Variants in ZNF529 observed in about 807,000 individuals in gnomAD.
The protein encoded by ZNF529 is zinc finger protein 529.
Under a neutral mutation model 10.1 loss-of-function variants are expected in ZNF529, and 11 were observed. The ratio of observed to expected loss-of-function variants is 1.09; its 90% CI spans 0.69 to 1.81. The LOEUF is 1.81. Ranked by LOEUF, ZNF529 falls within the 40% of genes most tolerant of loss-of-function variation. ZNF529 has a pLI of 0.00. For missense variants in ZNF529, 624 were observed against 666.8 expected (o/e 0.94, Z 0.71); for synonymous variants, 204 against 215.7 (o/e 0.95, Z 0.47).
intron 4 of ZNF529, 62 bp from the exon 5 acceptor site, chr19:36,548,384 A>G (rs2035134743): frequency 7.1e-7 from 1 of 1,412,628 alleles, no homozygotes; most frequent in South Asian, 1.5e-5. Context: ...TAGAAAGAAG[A>G]GACAATTTAA....
chr19:36,572,310 A>G (rs1449200553), intron 2 of ZNF529, 23 bp downstream of exon 2: 8 of 1,531,242 alleles, frequency 5.2e-6, no homozygotes, highest in Non-Finnish European at 7.0e-6. Flanking sequence ...GGACCAGGTA[A>G]ATGAACAAAA....
At chr19:36,601,211 C>G (rs1004733432) in intron 1 of ZNF529, among the ~76,000 whole-genome samples, 1 of 149,908 alleles carries the variant, frequency 6.7e-6, no homozygotes, top group African/African-American at 2.5e-5. Context: ...CGGAGTCTCG[C>G]TCTGCCTCAG....
intron 2 of ZNF529, among the ~76,000 whole-genome samples, chr19:36,563,622 C>T (rs2035795396): frequency 6.6e-6 from 1 of 152,072 alleles, no homozygotes; most frequent in African/African-American, 2.4e-5. Context: ...AACCACAAAA[C>T]ACTGCTCAAA....
chr19:36,577,494 C>T (rs890273870), upstream of ZNF529: 24 of 141,232 alleles, frequency 1.7e-4, no homozygotes, highest in Non-Finnish European at 3.0e-4. Context: ...ATTGTACTCT[C>T]TTTTTTTTTT....
intron 2 of ZNF529, among the ~76,000 whole-genome samples, chr19:36,557,471 G>A (rs1173092096): frequency 3.9e-5 from 6 of 152,168 alleles, no homozygotes; most frequent in Non-Finnish European, 8.8e-5. Flanking sequence ...GACAGAATGA[G>A]AGCCGAGCTA....
chr19:36,556,377 G>A (rs2035475034), intron 2 of ZNF529, among the ~76,000 whole-genome samples, 180 bp from the exon 3 acceptor site: 1 of 152,148 alleles, frequency 6.6e-6, no homozygotes, highest in Admixed American at 6.5e-5. Flanking sequence ...CTATCTTGGT[G>A]AGAAAGACTC....
intron 2 of ZNF529, among the ~76,000 whole-genome samples, chr19:36,582,949 G>A (rs1389702863): frequency 6.6e-6 from 1 of 152,096 alleles, no homozygotes; most frequent in Non-Finnish European, 1.5e-5. Flanking sequence ...ACAATTTTAT[G>A]CCAATAAATT....
At chr19:36,574,657 A>G (rs1393025385), upstream of ZNF529, among the ~76,000 whole-genome samples, 1 of 152,144 alleles carries the variant, frequency 6.6e-6, no homozygotes, top group Non-Finnish European at 1.5e-5. Context: ...GTGTCACTGT[A>G]ACTGTCAGTT....
At position 36,573,245 on chromosome 19, in the gene ZNF529, AGCCCG is replaced by A. The variant is rs2036212408; in HGVS notation, c.-157_-153del. The A allele has an allele frequency of 3.2e-6, 1 of 310,474 alleles. No individual in the cohort carries two copies. The highest frequency in any genetic ancestry group is 2.5e-5 in the South Asian group (1 of 40,750). The allele number at this position is 310,474 out of a possible 1,614,324, so 19.2% of individuals were successfully genotyped here. On this transcript the variant is annotated 5_prime_UTR_variant, in exon 1 of 5. Coordinates refer to ENST00000591340, the MANE Select transcript of ZNF529 (RefSeq NM_020951.5). ...CCACCTCACCGCGAGCTCCTCCCGC[AGCCCG>A]GCCCGGGTCACCTCGACTCGCCAGG...
chr19:36,549,235 C>T (rs1301004713), intron 4 of ZNF529, among the ~76,000 whole-genome samples: 1 of 152,006 alleles, frequency 6.6e-6, no homozygotes, highest in Non-Finnish European at 1.5e-5. Flanking sequence ...AGTGCCTTAC[C>T]CTCATATATA....
chr19:36,577,262 A>G, upstream of ZNF529: 2 of 420,846 alleles, frequency 4.8e-6, no homozygotes, highest in Non-Finnish European at 9.5e-6. Context: ...GCCCGGCCCT[A>G]CTTTCTATCG....
upstream of ZNF529, among the ~76,000 whole-genome samples, chr19:36,578,291 C>CTTTTTTTTT (rs1159725232): frequency 3.8e-3 from 122 of 31,820 alleles, 45 homozygotes; most frequent in Non-Finnish European, 5.6e-3. Flanking sequence ...GTCTTGATCT[C>CTTTTTTTTT]TTTTTTTTTT....
At position 36,600,158 on chromosome 19, in the gene ZNF529, C is replaced by T. The variant is rs552013435; in HGVS notation, c.-128+4968G>A. Among the ~76,000 whole-genome samples, 9 of 152,242 alleles carry T rather than the reference C, an allele frequency of 5.9e-5. No homozygotes were observed. The East Asian group carries it at 1.5e-3, about 26-fold the overall frequency. ...TGCTGGGATTACAGGCATGAGCCAC[C>T]GTGCCTGACCAAGTCTTGTACATTC... On this transcript the variant is annotated intron_variant, in intron 1 of 4. Coordinates refer to the ZNF529 transcript ENST00000585960.
intron 4 of ZNF529, among the ~76,000 whole-genome samples, chr19:36,551,026 A>G (rs1190940228): frequency 6.6e-6 from 1 of 152,234 alleles, no homozygotes; most frequent in Non-Finnish European, 1.5e-5. Flanking sequence ...ATAAGCCAGG[A>G]ATCCTAGAAC....
At chr19:36,596,466 C>A (rs2036843363) in intron 1 of ZNF529, among the ~76,000 whole-genome samples, 4 of 151,854 alleles carry the variant, frequency 2.6e-5, no homozygotes, top group South Asian at 4.2e-4. Flanking sequence ...AAATAAACAT[C>A]AGCTTTTGTT....
At chr19:36,604,074 G>C (rs1166882674) in intron 1 of ZNF529, among the ~76,000 whole-genome samples, 1 of 152,168 alleles carries the variant, frequency 6.6e-6, no homozygotes, top group Non-Finnish European at 1.5e-5. Context: ...CAGCTACTCG[G>C]GAGGCTGAGG....
intron 2 of ZNF529, among the ~76,000 whole-genome samples, chr19:36,578,826 G>A (rs887213464): frequency 4.0e-5 from 6 of 151,650 alleles, no homozygotes; most frequent in African/African-American, 1.5e-4. Context: ...TCGAACTCCT[G>A]ACTTCAAGTG....
At chr19:36,583,464 G>A (rs2036514377) in intron 2 of ZNF529, among the ~76,000 whole-genome samples, 1 of 151,924 alleles carries the variant, frequency 6.6e-6, no homozygotes, top group South Asian at 2.1e-4. Flanking sequence ...GGTTTTGAAT[G>A]CTGTCTTAAT....
intron 4 of ZNF529, among the ~76,000 whole-genome samples, chr19:36,550,341 G>C (rs2035212665): frequency 6.6e-6 from 1 of 152,154 alleles, no homozygotes; most frequent in Non-Finnish European, 1.5e-5. Context: ...TCAGTAGTTT[G>C]AGAACAGCCT....
Sources: allele counts gnomAD v4.1 joint callset (sites outside exome capture counted in the v4.1 genomes callset), GRCh38; gene constraint gnomAD v4.1.1; transcripts MANE v1.5; gene names NCBI Gene and HGNC (gene_info 2026-07-23, HGNC 2026-07-21).